Variants in C10orf90 observed in about 807,000 individuals in gnomAD.
C10orf90 encodes the protein (E2-independent) E3 ubiquitin-conjugating enzyme FATS.
Under a neutral mutation model 62.5 loss-of-function variants are expected in C10orf90, and 56 were observed. The observed-to-expected ratio is 0.90, with a 90% CI of 0.72 to 1.12. The LOEUF (loss-of-function observed/expected upper bound fraction) is 1.12, where lower values mean the gene tolerates loss of function less well. C10orf90 is among the 50% of genes most tolerant of loss of function. The probability of loss-of-function intolerance (pLI) is 0.00; values close to 1 mark genes in which losing one functional copy is unlikely to be tolerated. For missense variants in C10orf90, 970 were observed against 880.4 expected (o/e 1.10, Z -1.29); for synonymous variants, 386 against 340.4 (o/e 1.13, Z -1.47).
At chr10:126,429,763 G>A (rs1857466408) in intron 8 of C10orf90, 24 bp downstream of exon 8, 1 of 1,610,368 alleles carries the variant, frequency 6.2e-7, no homozygotes, top group Admixed American at 1.7e-5. Flanking sequence ...CAACTTCTTT[G>A]CACACCATAC....
rs573696436 is a variant in C10orf90 at position 126,649,200 on chromosome 10, T to G, written c.241-2563A>C. ...ATGTGCACTATTGATTCAAGAATTT[T>G]CAGCGATGGGGTGATTCAGGAACTT... On this transcript the variant is annotated intron_variant, in intron 1 of 9. Transcript: ENST00000488181. 9.2e-5 allele frequency among the ~76,000 whole-genome samples: 14 copies of G among 152,120 alleles called. No homozygotes were observed. In the South Asian group the frequency reaches 2.9e-3, roughly 32 times the overall value.
chr10:126,552,134 G>T (rs561376223), intron 2 of C10orf90, among the ~76,000 whole-genome samples: 1 of 152,248 alleles, frequency 6.6e-6, no homozygotes, highest in East Asian at 1.9e-4. Context: ...GAGCTTTAGG[G>T]TCATCAGTGT....
At chr10:126,545,858 TTTC>T (rs1462961556) in intron 2 of C10orf90, among the ~76,000 whole-genome samples, 1 of 152,188 alleles carries the variant, frequency 6.6e-6, no homozygotes, top group Middle Eastern at 3.2e-3. Flanking sequence ...TTATTTCTTA[TTTC>T]TTCAACTAAA....
At chr10:126,519,586 G>A (rs1052157965) in intron 2 of C10orf90, among the ~76,000 whole-genome samples, 7 of 152,076 alleles carry the variant, frequency 4.6e-5, no homozygotes, top group African/African-American at 1.7e-4. Flanking sequence ...GGAAGTCAAG[G>A]TTTATTCTGA....
chr10:126,563,806 T>G (rs1053309038), intron 2 of C10orf90, among the ~76,000 whole-genome samples: 1 of 152,182 alleles, frequency 6.6e-6, no homozygotes, highest in Non-Finnish European at 1.5e-5. Flanking sequence ...CTGCACTCAT[T>G]AACCAACACC....
intron 2 of C10orf90, among the ~76,000 whole-genome samples, chr10:126,556,274 A>G (rs1864770389): frequency 6.6e-6 from 1 of 152,226 alleles, no homozygotes. Flanking sequence ...AGCGAGTACT[A>G]CAGAGGGACA....
Position 126,515,142 on chromosome 10 carries a change from A to G in C10orf90, c.314-1203T>C, listed in dbSNP as rs375495169. Among the ~76,000 whole-genome samples the G allele has an allele frequency of 8.5e-5, 13 of 152,374 alleles. No homozygotes were observed. In the East Asian group the frequency reaches 1.2e-3, roughly 14 times the overall value. ...CCTTTCGGTCAATGAAGGACTGCAT[A>G]TATGACAGTGGTCCAATAAGATTAT... On this transcript the variant is annotated intron_variant, in intron 2 of 9. Transcript: ENST00000488181.
At chr10:126,425,923 A>C in intron 9 of C10orf90, 21 bp from the exon 10 acceptor site, 1 of 1,614,156 alleles carries the variant, frequency 6.2e-7, no homozygotes, top group Non-Finnish European at 8.5e-7. Flanking sequence ...AGGGAAACAA[A>C]GATGTCAAGT....
At chr10:126,663,687 G>T (rs1241002197) in intron 1 of C10orf90, among the ~76,000 whole-genome samples, 1 of 151,976 alleles carries the variant, frequency 6.6e-6, no homozygotes, top group Non-Finnish European at 1.5e-5. Flanking sequence ...GGACAATTCA[G>T]CTGGCTTTTT....
intron 2 of C10orf90, among the ~76,000 whole-genome samples, chr10:126,623,883 T>C (rs2133819586): frequency 6.7e-6 from 1 of 149,700 alleles, no homozygotes; most frequent in Non-Finnish European, 1.5e-5. Flanking sequence ...TATGACAGGG[T>C]CTTTGCTCCA....
intron 5 of C10orf90, among the ~76,000 whole-genome samples, chr10:126,463,923 C>A (rs1682965648): frequency 1.0e-5 from 1 of 98,618 alleles, no homozygotes; most frequent in South Asian, 3.8e-4. Context: ...GAATGAGAAG[C>A]TAGGGATTAA....
At chr10:126,645,050 G>A (rs1036984082) in intron 2 of C10orf90, among the ~76,000 whole-genome samples, 2 of 150,258 alleles carry the variant, frequency 1.3e-5, no homozygotes, top group Non-Finnish European at 3.0e-5. Context: ...TCATAGGTGG[G>A]AATTGAACAA....
rs754441387 is a variant in C10orf90 at position 126,565,092 on chromosome 10, T to TTATATATAATATATAAAATATATATTA, written c.314-51154_314-51153insTAATATATATTTTATATATTATATATA. Among the ~76,000 whole-genome samples the TTATATATAATATATAAAATATATATTA allele has an allele frequency of 1.0e-3, 12 of 11,592 alleles. 3 individuals carry two copies. Among genetic ancestry groups the TTATATATAATATATAAAATATATATTA allele is most frequent in the East Asian group, 4.9e-3 (1 of 204 alleles). 7.6% of individuals were successfully genotyped at this position (11,592 alleles called of 152,430 possible). Reference sequence around the variant, plus strand: ...TTATATATAATATATAAAATATATATTATATAATATATAAAATATATATTA... The same window carrying TTATATATAATATATAAAATATATATTA: ...TTATATATAATATATAAAATATATATTATATATAATATATAAAATATATATTATATATAATATATAAAATATATATTA... On this transcript the variant is annotated intron_variant, in intron 2 of 9. Transcript: ENST00000488181.
chr10:126,622,345 C>T (rs1564896448), intron 2 of C10orf90, among the ~76,000 whole-genome samples: 1 of 152,112 alleles, frequency 6.6e-6, no homozygotes, highest in Non-Finnish European at 1.5e-5. Flanking sequence ...TCACCCCTGC[C>T]CACTGGTGAA....
intron 1 of C10orf90, among the ~76,000 whole-genome samples, chr10:126,664,658 G>C (rs952361201): frequency 2.0e-5 from 3 of 152,124 alleles, no homozygotes; most frequent in Non-Finnish European, 2.9e-5. Flanking sequence ...CCAATTCCCT[G>C]GTGGAAATTT....
chr10:126,624,815 G>A (rs1845711502), intron 2 of C10orf90, among the ~76,000 whole-genome samples: 2 of 152,040 alleles, frequency 1.3e-5, no homozygotes, highest in African/African-American at 2.4e-5. Context: ...CCCACAGTGG[G>A]GGGCAGGCAT....
intron 3 of C10orf90, among the ~76,000 whole-genome samples, chr10:126,506,789 A>T (rs1862761045): frequency 1.3e-5 from 2 of 152,046 alleles, no homozygotes; most frequent in South Asian, 4.2e-4. Context: ...TCATTCCAAG[A>T]TGTGACAGCA....
intron 2 of C10orf90, among the ~76,000 whole-genome samples, chr10:126,575,969 C>T (rs1175803682): frequency 1.3e-5 from 2 of 151,916 alleles, no homozygotes; most frequent in African/African-American, 4.8e-5. Flanking sequence ...AATAAAACTA[C>T]CAGAAAGAAA....
At position 126,453,740 on chromosome 10, in the gene C10orf90, G is replaced by A. The variant is rs1859352855; in HGVS notation, c.2188+5300C>T. Among the ~76,000 whole-genome samples, 1 of 152,152 alleles carries A rather than the reference G, an allele frequency of 6.6e-6. No individual in the cohort carries two copies. Among genetic ancestry groups the A allele is most frequent in the East Asian group, 1.9e-4 (1 of 5,182 alleles). On this transcript the variant is annotated intron_variant, in intron 7 of 9. Transcript: ENST00000488181. This position sits in a 1 kb window ranked among gnomAD's most constrained non-coding sequence, Gnocchi z 4.9. ...ACCAGAGCCCAGCTCAGTTATTACA[G>A]GAAGCACAGGAAAGGGTCTGGGGGT...
Sources: gnomAD v4.1 joint callset for allele counts (sites outside exome capture counted in the v4.1 genomes callset) on GRCh38, gnomAD v4.1.1 for gene constraint, Gnocchi (gnomAD v3.1) non-coding constraint, MANE v1.5 for transcripts, NCBI Gene and HGNC (gene_info 2026-07-23, HGNC 2026-07-21) for gene names.